CD96: variants seen among roughly 807,000 people sequenced by gnomAD.
CD96 encodes T-cell surface protein tactile.
A neutral mutation model predicts 71.3 loss-of-function variants in CD96; 70 were observed. The ratio of observed to expected loss-of-function variants is 0.98; its 90% CI spans 0.81 to 1.20. The LOEUF is 1.20. Ranked by LOEUF, CD96 falls within the 50% of genes most tolerant of loss-of-function variation. CD96 has a pLI of 0.00. For synonymous variants in CD96, 248 were observed against 233.0 expected (o/e 1.06, Z -0.59); for missense variants, 742 against 677.5 (o/e 1.10, Z -1.06).
intron 3 of CD96, among the ~76,000 whole-genome samples, chr3:111,576,903 A>G (rs528909083): frequency 1.3e-5 from 2 of 152,242 alleles, no homozygotes; most frequent in African/African-American, 4.8e-5. Context: ...CTCATATGTA[A>G]GTTCTTGCTA....
chr3:111,594,353 T>G, intron 5 of CD96: 2 of 912,686 alleles, frequency 2.2e-6, no homozygotes, highest in Non-Finnish European at 3.3e-6. Context: ...CTGGGTGGTG[T>G]GAGGTTTCTT....
intron 10 of CD96, among the ~76,000 whole-genome samples, chr3:111,626,516 C>T (rs573896383): frequency 8.7e-4 from 132 of 152,194 alleles, no homozygotes; most frequent in African/African-American, 3.1e-3. Flanking sequence ...TTCCACCATC[C>T]TTTGGCATTG....
chr3:111,552,101 A>G (rs953776336), intron 2 of CD96, among the ~76,000 whole-genome samples: 9 of 152,002 alleles, frequency 5.9e-5, no homozygotes, highest in African/African-American at 1.7e-4. Flanking sequence ...TCTTCTTTTG[A>G]GAAGTGTCTA....
intron 8 of CD96, among the ~76,000 whole-genome samples, chr3:111,619,489 A>AGG (rs1938411768): frequency 6.6e-6 from 1 of 152,084 alleles, no homozygotes; most frequent in South Asian, 2.1e-4. Context: ...AAACATTTAC[A>AGG]TTGAAGAAGG....
intron 14 of CD96, among the ~76,000 whole-genome samples, chr3:111,663,964 A>T (rs1322325083): frequency 6.6e-6 from 1 of 152,024 alleles, no homozygotes; most frequent in Non-Finnish European, 1.5e-5. Context: ...GTTAGCCAGG[A>T]TGCTCTCGAT....
At chr3:111,626,763 T>C (rs941923000) in intron 10 of CD96, among the ~76,000 whole-genome samples, 8 of 152,172 alleles carry the variant, frequency 5.3e-5, no homozygotes, top group Non-Finnish European at 4.4e-5. Flanking sequence ...AACAAGTGAA[T>C]GGCAACCATA....
intron 5 of CD96, among the ~76,000 whole-genome samples, chr3:111,587,489 C>T (rs1936769300): frequency 6.6e-6 from 1 of 152,204 alleles, no homozygotes; most frequent in South Asian, 2.1e-4. Context: ...GCAGCTTTTC[C>T]AGGCACACAG....
At chr3:111,620,272 G>T (rs549347401) in intron 8 of CD96, among the ~76,000 whole-genome samples, 1 of 152,196 alleles carries the variant, frequency 6.6e-6, no homozygotes, top group East Asian at 1.9e-4. Context: ...TTAAACTCCA[G>T]GAGAGCAGTA....
Position 111,596,638 on chromosome 3 carries a change from T to A in CD96, c.808-1482T>A, listed in dbSNP as rs553472202. ...AAAACTTTGTATCTTTTTCTTTTTT[T>A]AAAAAAACATTTTACCTCCTTTACC... On this transcript the variant is annotated intron_variant, in intron 5 of 13. Coordinates refer to ENST00000352690, the MANE Select transcript of CD96 (RefSeq NM_005816.5). 2.6e-3 allele frequency among the ~76,000 whole-genome samples: 397 copies of A among 152,260 alleles called. 4 individuals are homozygous for A. The highest frequency in any genetic ancestry group is 8.1e-3 in the African/African-American group (338 of 41,542).
chr3:111,652,095 C>T lies in CD96; in HGVS notation c.*2289C>T, dbSNP rs1479970329. The T allele has an allele frequency of 6.6e-6, 1 of 152,018 alleles. No homozygotes were observed. Among genetic ancestry groups the T allele is most frequent in the Admixed American group, 6.5e-5 (1 of 15,270 alleles). The allele number at this position is 152,018 out of a possible 1,614,324, so 9.4% of individuals were successfully genotyped here. A position where few individuals can be genotyped will look rare whatever the true frequency, so the allele number is the denominator to read the frequency against. ...AGAGAGCCAGAACTACCCAGCTAAG[C>T]CTTTTACTAAATTTCTGAACTTCTA... On this transcript the variant is annotated 3_prime_UTR_variant, in exon 14 of 14. Coordinates refer to ENST00000352690, the MANE Select transcript of CD96 (RefSeq NM_005816.5).
At chr3:111,600,108 C>A (rs888624765) in intron 6 of CD96, among the ~76,000 whole-genome samples, 1 of 152,134 alleles carries the variant, frequency 6.6e-6, no homozygotes, top group Non-Finnish European at 1.5e-5. Flanking sequence ...GACAACATAG[C>A]AAAAAGATTA....
chr3:111,649,381 C>A (rs1451621953), intron 13 of CD96, among the ~76,000 whole-genome samples: 1 of 152,114 alleles, frequency 6.6e-6, no homozygotes, highest in South Asian at 2.1e-4. Context: ...TGATACATTT[C>A]CTGCACACAA....
chr3:111,616,246 A>G (rs1938229996), intron 8 of CD96, among the ~76,000 whole-genome samples: 1 of 152,224 alleles, frequency 6.6e-6, no homozygotes, highest in South Asian at 2.1e-4. Flanking sequence ...ATGATAACAC[A>G]TGGTTACCAA....
chr3:111,546,419 C>G lies in CD96; in HGVS notation c.418+1017C>G, dbSNP rs13066911. On this transcript the variant is annotated intron_variant, in intron 2 of 13. Transcript: ENST00000352690. Reference sequence around the variant, plus strand: ...ATTCACACCAAACATACTTTGGAGGCCTGCATTTAGAAGTGGGAATCCTAG... The same window carrying G: ...ATTCACACCAAACATACTTTGGAGGGCTGCATTTAGAAGTGGGAATCCTAG... Among the ~76,000 whole-genome samples the G allele has an allele frequency of 1.0e-3, 152 of 152,012 alleles. No homozygotes were observed. In the Middle Eastern group the frequency reaches 0.017, roughly 17 times the overall value.
chr3:111,586,452 G>C (rs1936718824), intron 5 of CD96, among the ~76,000 whole-genome samples: 1 of 152,184 alleles, frequency 6.6e-6, no homozygotes, highest in Non-Finnish European at 1.5e-5. Flanking sequence ...CTTCCAAGTA[G>C]TTGTGTCTTT....
In CD96 at chr3:111,545,407, G is replaced by A. The variant is rs779341868; in HGVS notation, c.418+5G>A. 1 of 1,510,702 alleles carries A rather than the reference G, an allele frequency of 6.6e-7. No individual in the cohort carries two copies. The highest frequency in any genetic ancestry group is 9.2e-7 in the Non-Finnish European group (1 of 1,085,944). 93.6% of individuals were successfully genotyped at this position (1,510,702 alleles called of 1,614,324 possible). A position where few individuals can be genotyped will look rare whatever the true frequency, so the allele number is the denominator to read the frequency against. On this transcript the variant is annotated splice_donor_5th_base_variant and intron_variant, in intron 2 of 13. Coordinates refer to ENST00000352690, the MANE Select transcript of CD96 (RefSeq NM_005816.5). ...ACCTTCTCATTCAGACACACGGTAAGCATAACTGGTAGAGGGATGTGCTTT... is the reference window on the plus strand; with the variant it reads ...ACCTTCTCATTCAGACACACGGTAAACATAACTGGTAGAGGGATGTGCTTT...
intron 3 of CD96, chr3:111,570,792 A>G: frequency 6.2e-7 from 1 of 1,613,662 alleles, no homozygotes; most frequent in South Asian, 1.1e-5. Flanking sequence ...AACGTCTTCC[A>G]AAGCAGGTGG....
At chr3:111,565,708 T>G (rs1431307615) in intron 2 of CD96, among the ~76,000 whole-genome samples, 1 of 151,912 alleles carries the variant, frequency 6.6e-6, no homozygotes. Flanking sequence ...GGTCTTTTTT[T>G]TCAATTATGG....
chr3:111,561,032 G>T, intron 2 of CD96, among the ~76,000 whole-genome samples: 1 of 138,084 alleles, frequency 7.2e-6, no homozygotes, highest in Non-Finnish European at 1.5e-5. Flanking sequence ...TCTTCACATA[G>T]TTCTCGAGCC....
Sources: allele counts gnomAD v4.1 joint callset (sites outside exome capture counted in the v4.1 genomes callset), GRCh38; gene constraint gnomAD v4.1.1; transcripts MANE v1.5; gene names NCBI Gene and HGNC (gene_info 2026-07-23, HGNC 2026-07-21).